Variants in NRG3 observed in about 807,000 individuals in gnomAD.
The protein encoded by NRG3 is pro-neuregulin-3, membrane-bound isoform.
Under a neutral mutation model 66.9 loss-of-function variants are expected in NRG3, and 31 were observed. The observed-to-expected ratio is 0.46, with a 90% CI of 0.35 to 0.63. NRG3 has a LOEUF of 0.63. NRG3 is among the 20% of genes least tolerant of loss of function. The pLI is 0.00. For missense variants in NRG3, 910 were observed against 878.9 expected, an observed-to-expected ratio of 1.04 and a Z score of -0.45; for synonymous variants, 393 against 359.4, an observed-to-expected ratio of 1.09 and a Z score of -1.06.
In NRG3 at chr10:82,815,276, G is replaced by C. The variant is rs566202501; in HGVS notation, c.1028-50135G>C. ...TCCAGTTAAACTCAGGACCTCCCTT[G>C]CATCTCACCTGGAACAACTGCTCTT... is the stretch of plus-strand genomic sequence containing the variant. On this transcript the variant is annotated intron_variant, in intron 3 of 8. Coordinates refer to ENST00000372141, the MANE Select transcript of NRG3 (RefSeq NM_001010848.4). Among the ~76,000 whole-genome samples, 4 of 152,178 alleles carry C rather than the reference G, an allele frequency of 2.6e-5. No homozygotes were observed. In the South Asian group the frequency reaches 8.3e-4, roughly 32 times the overall value.
At chr10:82,612,171 G>T (rs2048356339) in intron 2 of NRG3, among the ~76,000 whole-genome samples, 1 of 152,002 alleles carries the variant, frequency 6.6e-6, no homozygotes, top group South Asian at 2.1e-4. Context: ...TTAGCCCTTT[G>T]ACAGGTGAGC....
At chr10:82,201,056 G>T (rs2074785288) in intron 1 of NRG3, among the ~76,000 whole-genome samples, 1 of 151,954 alleles carries the variant, frequency 6.6e-6, no homozygotes, top group South Asian at 2.1e-4. Flanking sequence ...AATTAGCCAG[G>T]TGTGGTGACA....
chr10:82,754,527 A>AG lies in NRG3; in HGVS notation c.1027+15883dup, dbSNP rs2059000268. ...GAGAGAAGATTAAAATAACAGAGAA[A>AG]GGGGGGAAAAGAAAAAAAAAAAAAG... On this transcript the variant is annotated intron_variant, in intron 3 of 8. Coordinates refer to ENST00000372141, the MANE Select transcript of NRG3 (RefSeq NM_001010848.4). 3.4e-5 allele frequency among the ~76,000 whole-genome samples: 5 copies of AG among 147,906 alleles called. No individual in the cohort carries two copies. The South Asian group carries it at 1.0e-3, about 31-fold the overall frequency.
At chr10:82,695,449 G>C (rs1330459896) in intron 2 of NRG3, among the ~76,000 whole-genome samples, 1 of 152,020 alleles carries the variant, frequency 6.6e-6, no homozygotes, top group Non-Finnish European at 1.5e-5. Flanking sequence ...TAATATACGA[G>C]TATGAAAACT....
chr10:82,780,060 C>G (rs573722549), intron 3 of NRG3, among the ~76,000 whole-genome samples: 2 of 152,088 alleles, frequency 1.3e-5, no homozygotes, highest in Non-Finnish European at 2.9e-5. Flanking sequence ...CTCATCCTTT[C>G]TTATGGCTGC....
chr10:82,720,806 T>TACAC (rs2057255213), intron 2 of NRG3, among the ~76,000 whole-genome samples: 1 of 46,248 alleles, frequency 2.2e-5, no homozygotes, highest in Non-Finnish European at 3.5e-5. Flanking sequence ...AGGAGTATTT[T>TACAC]ATACATATAT....
At chr10:82,420,741 C>G (rs2089000804) in intron 2 of NRG3, among the ~76,000 whole-genome samples, 1 of 151,996 alleles carries the variant, frequency 6.6e-6, no homozygotes, top group African/African-American at 2.4e-5. Context: ...AGAAAAGTAC[C>G]ATTGCCAAGA....
intron 1 of NRG3, among the ~76,000 whole-genome samples, chr10:81,976,541 G>C (rs995505800): frequency 2.0e-5 from 3 of 152,172 alleles, no homozygotes; most frequent in Non-Finnish European, 4.4e-5. Flanking sequence ...AGGATAGATT[G>C]CTGAGATATT....
intron 1 of NRG3, among the ~76,000 whole-genome samples, chr10:82,214,862 G>A (rs1049860292): frequency 1.3e-5 from 2 of 152,128 alleles, no homozygotes; most frequent in Admixed American, 6.5e-5. Flanking sequence ...TCAGATGCTA[G>A]TCTGAACAAA....
chr10:82,489,046 A>G (rs1015347943), intron 2 of NRG3, among the ~76,000 whole-genome samples: 1 of 152,172 alleles, frequency 6.6e-6, no homozygotes, highest in South Asian at 2.1e-4. Flanking sequence ...GCTTTTGTTT[A>G]ATTAGCCCAG....
intron 4 of NRG3, among the ~76,000 whole-genome samples, chr10:82,880,777 G>T (rs565104392): frequency 6.6e-6 from 1 of 152,298 alleles, no homozygotes. Flanking sequence ...TACTTTTTTA[G>T]GCTAGATATG....
intron 1 of NRG3, among the ~76,000 whole-genome samples, chr10:82,098,864 C>T (rs962771545): frequency 5.3e-5 from 8 of 152,130 alleles, no homozygotes; most frequent in Admixed American, 5.2e-4. Context: ...CCTGGGTTCA[C>T]ACCATTCTCC....
intron 2 of NRG3, among the ~76,000 whole-genome samples, chr10:82,591,150 G>T (rs1006457082): frequency 6.6e-6 from 1 of 152,144 alleles, no homozygotes. Context: ...CATACGGCCC[G>T]GGTGACGGGC....
chr10:82,260,010 A>G (rs1246348932), intron 1 of NRG3, among the ~76,000 whole-genome samples: 10 of 152,308 alleles, frequency 6.6e-5, no homozygotes, highest in Non-Finnish European at 1.3e-4. Flanking sequence ...GGCTGCAGCC[A>G]AGTATTTCCT....
chr10:82,758,295 G>T (rs1381760928), intron 3 of NRG3, among the ~76,000 whole-genome samples: 1 of 152,062 alleles, frequency 6.6e-6, no homozygotes, highest in Admixed American at 6.6e-5. Context: ...TGGCTAAAAA[G>T]CAAGTTTTGG....
intron 2 of NRG3, among the ~76,000 whole-genome samples, chr10:82,647,081 G>A (rs912559144): frequency 8.6e-5 from 13 of 151,092 alleles, no homozygotes; most frequent in Non-Finnish European, 1.8e-4. Flanking sequence ...GTATACATGT[G>A]CCATGCTGGT....
chr10:82,209,927 T>C (rs1486057302), intron 1 of NRG3, among the ~76,000 whole-genome samples: 1 of 152,086 alleles, frequency 6.6e-6, no homozygotes, highest in Non-Finnish European at 1.5e-5. Flanking sequence ...AGTAATGTAA[T>C]TGATGCAAAA....
chr10:82,013,727 C>G (rs1351497687), intron 1 of NRG3, among the ~76,000 whole-genome samples: 1 of 148,784 alleles, frequency 6.7e-6, no homozygotes, highest in Non-Finnish European at 1.5e-5. Context: ...TGTTCATTAT[C>G]TCTAATTTTC....
chr10:82,746,493 G>A (rs1174349848), intron 3 of NRG3, among the ~76,000 whole-genome samples: 1 of 152,084 alleles, frequency 6.6e-6, no homozygotes, highest in Non-Finnish European at 1.5e-5. Flanking sequence ...TTGTATCATT[G>A]TGCCCTGGGA....
Sources: gnomAD v4.1 joint callset for allele counts (sites outside exome capture counted in the v4.1 genomes callset) on GRCh38, gnomAD v4.1.1 for gene constraint, MANE v1.5 for transcripts, NCBI Gene and HGNC (gene_info 2026-07-23, HGNC 2026-07-21) for gene names.